DHRSX: variants seen among roughly 807,000 people sequenced by gnomAD.
The protein encoded by DHRSX is polyprenol dehydrogenase.
DHRSX carries 31 observed loss-of-function variants against 34.0 expected under a neutral mutation model. The ratio of observed to expected loss-of-function variants is 0.91; its 90% confidence interval spans 0.69 to 1.23. The LOEUF (loss-of-function observed/expected upper bound fraction) is 1.23, where lower values mean the gene tolerates loss of function less well. Ranked by LOEUF, DHRSX falls within the 50% of genes most tolerant of loss-of-function variation. The probability of loss-of-function intolerance (pLI) is 0.00; values close to 1 mark genes in which losing one functional copy is unlikely to be tolerated. For missense variants in DHRSX, 414 were observed against 428.1 expected (o/e 0.97, Z 0.29); for synonymous variants, 201 against 183.8 (o/e 1.09, Z -0.76).
At chrX:2,226,183 G>A (rs1299203352) in intron 6 of DHRSX, among the ~76,000 whole-genome samples, 3 of 152,270 alleles carry the variant, frequency 2.0e-5, no homozygotes, top group African/African-American at 7.2e-5. Flanking sequence ...ACTGGGATTG[G>A]CGCAGGCTGC....
intron 3 of DHRSX, among the ~76,000 whole-genome samples, chrX:2,370,322 C>G (rs896578654): frequency 3.9e-5 from 6 of 152,044 alleles, no homozygotes; most frequent in Non-Finnish European, 7.4e-5. Context: ...CAGGCACCCG[C>G]CACCATGCCC....
chrX:2,464,229 C>T (rs2124688397), intron 1 of DHRSX, among the ~76,000 whole-genome samples: 1 of 148,868 alleles, frequency 6.7e-6, no homozygotes, highest in South Asian at 2.1e-4. Flanking sequence ...TAAGACATTC[C>T]CTAAGCACGT....
intron 3 of DHRSX, among the ~76,000 whole-genome samples, chrX:2,305,124 C>A (rs1170935408): frequency 1.3e-5 from 2 of 151,846 alleles, no homozygotes; most frequent in Non-Finnish European, 2.9e-5. Flanking sequence ...AAACACTGTA[C>A]ACTCTCACTC....
At chrX:2,309,916 G>T (rs979859700) in intron 3 of DHRSX, among the ~76,000 whole-genome samples, 1 of 152,070 alleles carries the variant, frequency 6.6e-6, no homozygotes, top group Admixed American at 6.6e-5. Context: ...GCAAGACCCT[G>T]TCTCAAAATA....
intron 4 of DHRSX, among the ~76,000 whole-genome samples, chrX:2,290,288 C>T (rs1476728473): frequency 6.6e-6 from 1 of 151,040 alleles, no homozygotes; most frequent in Admixed American, 6.6e-5. Context: ...CACATCAAGA[C>T]AAAAAGAAAA....
At chrX:2,433,746 T>C (rs1276110060) in intron 1 of DHRSX, among the ~76,000 whole-genome samples, 6 of 152,180 alleles carry the variant, frequency 3.9e-5, no homozygotes, top group Non-Finnish European at 8.8e-5. Flanking sequence ...ATCCTTTTTA[T>C]GGCTGCGTAG....
In DHRSX at chrX:2,249,513, C is replaced by CTTTTTTTTTTTT. The variant is rs753035485; in HGVS notation, c.597-6295_597-6284dup. On this transcript the variant is annotated intron_variant, in intron 5 of 6. Transcript: ENST00000334651. ...CCACCACGCTCAGCCCTTTTTGTGC[C>CTTTTTTTTTTTT]TTTTTTTTTTTTTTTTTTTTTTTTT... is the stretch of plus-strand genomic sequence containing the variant. Among the ~76,000 whole-genome samples the CTTTTTTTTTTTT allele has an allele frequency of 2.3e-4, 16 of 70,194 alleles. 3 individuals are homozygous for CTTTTTTTTTTTT. The highest frequency in any genetic ancestry group is 7.1e-4 in the African/African-American group (15 of 21,068). The allele number at this position is 70,194 out of a possible 152,430, so 46.0% of individuals were successfully genotyped here.
At chrX:2,436,064 G>A (rs1329233586) in intron 1 of DHRSX, among the ~76,000 whole-genome samples, 1 of 151,796 alleles carries the variant, frequency 6.6e-6, no homozygotes, top group African/African-American at 2.4e-5. Context: ...ATGGTAGCAC[G>A]CACCTGTAAT....
At chrX:2,451,759 A>G (rs1222892376) in intron 1 of DHRSX, among the ~76,000 whole-genome samples, 1 of 152,226 alleles carries the variant, frequency 6.6e-6, no homozygotes, top group Non-Finnish European at 1.5e-5. Flanking sequence ...GGACACAGAC[A>G]GACACTGACA....
At chrX:2,361,026 G>T (rs1187242381) in intron 3 of DHRSX, among the ~76,000 whole-genome samples, 2 of 152,124 alleles carry the variant, frequency 1.3e-5, no homozygotes, top group African/African-American at 4.8e-5. Flanking sequence ...GCTCCTACTG[G>T]CTGCTACCTA....
chrX:2,360,671 G>C (rs1364441425), intron 3 of DHRSX, among the ~76,000 whole-genome samples: 1 of 151,834 alleles, frequency 6.6e-6, no homozygotes, highest in Non-Finnish European at 1.5e-5. Flanking sequence ...ATTAATCTAG[G>C]ATGGTAATGG....
chrX:2,221,090 A>AGCT lies in DHRSX; in HGVS notation c.941_943dup (p.Gln314dup), dbSNP rs750003192. ...AGTCATCTCACAACTCTTAGACCACAGCTGCTGCTGCAGTTTCTGGTTGTA... is the reference window on the plus strand; with the variant it reads ...AGTCATCTCACAACTCTTAGACCACAGCTGCTGCTGCTGCAGTTTCTGGTTGTA... On this transcript the variant is annotated inframe_insertion, in exon 7 of 7. Transcript: ENST00000334651. The AGCT allele has an allele frequency of 6.2e-7, 1 of 1,613,940 alleles. No individual in the cohort carries two copies. The highest frequency in any genetic ancestry group is 1.7e-5 in the Admixed American group (1 of 60,004).
At chrX:2,248,416 G>A (rs2016348918) in intron 5 of DHRSX, among the ~76,000 whole-genome samples, 3 of 141,568 alleles carry the variant, frequency 2.1e-5, no homozygotes, top group South Asian at 2.3e-4. Flanking sequence ...CTGGGCGACA[G>A]AGCGAGACTC....
intron 3 of DHRSX, among the ~76,000 whole-genome samples, chrX:2,365,433 C>G (rs952527588): frequency 2.0e-5 from 3 of 152,120 alleles, no homozygotes; most frequent in African/African-American, 7.2e-5. Flanking sequence ...AGCCACCGTG[C>G]CTGGCCAGGT....
chrX:2,466,195 T>C (rs188248316), intron 1 of DHRSX, among the ~76,000 whole-genome samples: 8 of 152,256 alleles, frequency 5.3e-5, no homozygotes, highest in Non-Finnish European at 1.2e-4. Flanking sequence ...TCCCAGCACT[T>C]TGGGAGGCCG....
At chrX:2,256,657 AAT>A (rs1343244455) in intron 5 of DHRSX, among the ~76,000 whole-genome samples, 1 of 152,168 alleles carries the variant, frequency 6.6e-6, no homozygotes, top group Non-Finnish European at 1.5e-5. Context: ...GGATTTTTGG[AAT>A]ATGTTACAAC....
intron 3 of DHRSX, chrX:2,392,457 A>ACAG: frequency 3.2e-6 from 1 of 309,936 alleles, no homozygotes. Context: ...CCCGGGCAAC[A>ACAG]CAGCAAGACT....
intron 4 of DHRSX, among the ~76,000 whole-genome samples, chrX:2,270,477 CA>C (rs2041534841): frequency 6.6e-6 from 1 of 152,178 alleles, no homozygotes; most frequent in South Asian, 2.1e-4. Context: ...ACAGCCTCTC[CA>C]ACCCGCCTTT....
At chrX:2,248,510 G>A (rs758119363) in intron 5 of DHRSX, among the ~76,000 whole-genome samples, 2 of 150,670 alleles carry the variant, frequency 1.3e-5, no homozygotes, top group East Asian at 3.9e-4. Context: ...CTACTCGGGA[G>A]GCTGAGGCAG....
Sources: gnomAD v4.1 joint callset for allele counts (sites outside exome capture counted in the v4.1 genomes callset) on GRCh38, gnomAD v4.1.1 for gene constraint, MANE v1.5 for transcripts, NCBI Gene and HGNC (gene_info 2026-07-23, HGNC 2026-07-21) for gene names.